RPS6KC1: variants seen among roughly 807,000 people sequenced by gnomAD.
The protein encoded by RPS6KC1 is ribosomal protein S6 kinase C1.
In RPS6KC1, 54 loss-of-function variants were observed where a neutral mutation model predicts 103.8. The observed-to-expected ratio is 0.52, with a 90% CI of 0.42 to 0.65. The LOEUF is 0.65. Ranked by LOEUF, RPS6KC1 falls within the 30% of genes least tolerant of loss-of-function variation. The probability of loss-of-function intolerance (pLI) is 0.00; values close to 1 mark genes in which losing one functional copy is unlikely to be tolerated. For missense variants in RPS6KC1, 1,151 were observed against 1,253.8 expected (o/e 0.92, Z 1.24); for synonymous variants, 439 against 438.7 (o/e 1.00, Z -0.01).
the RPS6KC1 span, among the ~76,000 whole-genome samples, chr1:213,670,430 G>A: frequency 6.6e-6 from 1 of 152,212 alleles, no homozygotes. Flanking sequence ...AACAGAGACA[G>A]CTAGCTCAGA....
the RPS6KC1 span, among the ~76,000 whole-genome samples, chr1:213,380,737 G>T: frequency 6.6e-6 from 1 of 152,150 alleles, no homozygotes; most frequent in East Asian, 1.9e-4. Flanking sequence ...ATGTGCTGCG[G>T]GGTGAAAGGA....
chr1:213,696,432 G>A, the RPS6KC1 span, among the ~76,000 whole-genome samples: 255 of 150,342 alleles, frequency 1.7e-3, 2 homozygotes, highest in Middle Eastern at 7.0e-3. Flanking sequence ...AACCCGGGAG[G>A]CGGAGACTGC....
the RPS6KC1 span, among the ~76,000 whole-genome samples, chr1:213,340,533 A>G: frequency 6.6e-6 from 1 of 152,228 alleles, no homozygotes; most frequent in African/African-American, 2.4e-5. Context: ...TGGAAATTTC[A>G]GTGAATATTA....
At chr1:213,588,962 A>G in the RPS6KC1 span, among the ~76,000 whole-genome samples, 3 of 152,202 alleles carry the variant, frequency 2.0e-5, no homozygotes, top group Admixed American at 6.5e-5. Context: ...CAGTGTTCTT[A>G]CAGATCTCTC....
At chr1:213,570,620 G>A in the RPS6KC1 span, among the ~76,000 whole-genome samples, 1 of 152,162 alleles carries the variant, frequency 6.6e-6, no homozygotes, top group Non-Finnish European at 1.5e-5. Context: ...AATTGAAACA[G>A]GACCTCTGGG....
chr1:213,105,658 C>T (rs1258756098), intron 4 of RPS6KC1, among the ~76,000 whole-genome samples: 1 of 152,136 alleles, frequency 6.6e-6, no homozygotes, highest in African/African-American at 2.4e-5. Flanking sequence ...GTAACAATAA[C>T]ATTTCTGATG....
chr1:213,234,037 G>C (rs527719146), intron 10 of RPS6KC1, among the ~76,000 whole-genome samples: 47 of 150,022 alleles, frequency 3.1e-4, no homozygotes, highest in Non-Finnish European at 6.1e-4. Context: ...TTTTGGTTGG[G>C]GGGTAGTTAG....
the RPS6KC1 span, among the ~76,000 whole-genome samples, chr1:213,442,516 G>C: frequency 0.011 from 1,604 of 152,298 alleles, 29 homozygotes; most frequent in African/African-American, 0.037. Context: ...TCTGTTACGT[G>C]TCTTGGACAG....
At chr1:213,729,489 T>C in the RPS6KC1 span, among the ~76,000 whole-genome samples, 2 of 152,198 alleles carry the variant, frequency 1.3e-5, no homozygotes, top group Non-Finnish European at 2.9e-5. Flanking sequence ...AATAGCTTCC[T>C]TGGGCTTAAA....
the RPS6KC1 span, among the ~76,000 whole-genome samples, chr1:213,495,430 T>C: frequency 6.6e-6 from 1 of 152,100 alleles, no homozygotes; most frequent in Non-Finnish European, 1.5e-5. Context: ...CAAGCGATTC[T>C]CCTGCCTCAG....
the RPS6KC1 span, among the ~76,000 whole-genome samples, chr1:213,517,121 C>G: frequency 1.3e-5 from 2 of 151,960 alleles, no homozygotes; most frequent in African/African-American, 4.8e-5. Context: ...TCTCTGTTTT[C>G]TTCTGTATTA....
chr1:213,844,693 A>G, the RPS6KC1 span, among the ~76,000 whole-genome samples: 1 of 152,194 alleles, frequency 6.6e-6, no homozygotes, highest in African/African-American at 2.4e-5. Flanking sequence ...TTTTTATGTG[A>G]TGATGCATTT....
chr1:213,506,892 A>ATTAC, the RPS6KC1 span, among the ~76,000 whole-genome samples: 6 of 152,104 alleles, frequency 3.9e-5, no homozygotes, highest in Non-Finnish European at 5.9e-5. Flanking sequence ...CCTGAGTGCT[A>ATTAC]TTACTTTTAG....
In RPS6KC1 at chr1:213,180,359, A is replaced by G. The variant is rs1355325340; in HGVS notation, c.1044+3867A>G. On this transcript the variant is annotated intron_variant, in intron 8 of 14. Coordinates refer to ENST00000366960, the MANE Select transcript of RPS6KC1 (RefSeq NM_012424.6). ...TAGTTAGGGAAGAGACTTGCATGCT[A>G]ATATCCTCATAGGATATAACTAGAA... 7.2e-5 allele frequency among the ~76,000 whole-genome samples: 11 copies of G among 152,228 alleles called. No individual in the cohort carries two copies. The East Asian group carries it at 1.3e-3, about 19-fold the overall frequency.
At chr1:213,344,691 C>T in the RPS6KC1 span, among the ~76,000 whole-genome samples, 1 of 152,106 alleles carries the variant, frequency 6.6e-6, no homozygotes, top group South Asian at 2.1e-4. Flanking sequence ...TGCACCACCA[C>T]GCCTGGCTAA....
intron 6 of RPS6KC1, among the ~76,000 whole-genome samples, chr1:213,158,869 T>C (rs574582651): frequency 2.0e-5 from 3 of 152,260 alleles, no homozygotes; most frequent in African/African-American, 7.2e-5. Context: ...TAATTTGTTC[T>C]GGAAACATAG....
chr1:213,321,699 G>A, the RPS6KC1 span, among the ~76,000 whole-genome samples: 23 of 152,224 alleles, frequency 1.5e-4, no homozygotes, highest in African/African-American at 5.5e-4. Flanking sequence ...AATAAGCAGG[G>A]AGTAAAATAT....
chr1:213,698,496 G>C, the RPS6KC1 span, among the ~76,000 whole-genome samples: 2 of 152,104 alleles, frequency 1.3e-5, no homozygotes, highest in Admixed American at 1.3e-4. Flanking sequence ...GACATACAAA[G>C]TTATCTTTGC....
chr1:213,660,413 C>T, the RPS6KC1 span, among the ~76,000 whole-genome samples: 4 of 152,228 alleles, frequency 2.6e-5, no homozygotes, highest in Non-Finnish European at 5.9e-5. Context: ...GAAGGAAAGG[C>T]AGTGATATGC....
Sources: allele counts gnomAD v4.1 joint callset (sites outside exome capture counted in the v4.1 genomes callset), GRCh38; gene constraint gnomAD v4.1.1; transcripts MANE v1.5; gene names NCBI Gene and HGNC (gene_info 2026-07-23, HGNC 2026-07-21).